The following CCDC170 variants were observed in gnomAD, a reference collection of about 807,000 sequenced individuals.
CCDC170 encodes coiled-coil domain-containing protein 170.
In CCDC170, 69 loss-of-function variants were observed where a neutral mutation model predicts 72.6. The ratio of observed to expected loss-of-function variants is 0.95; its 90% CI spans 0.78 to 1.16. The LOEUF (loss-of-function observed/expected upper bound fraction) is 1.16, where lower values mean the gene tolerates loss of function less well. Among genes scored for constraint, CCDC170 ranks in the 50% most tolerant of loss-of-function variants. The probability of loss-of-function intolerance (pLI) is 0.00; values close to 1 mark genes in which losing one functional copy is unlikely to be tolerated. For missense variants in CCDC170, 852 were observed against 832.5 expected (o/e 1.02, Z -0.29); for synonymous variants, 300 against 303.9 (o/e 0.99, Z 0.13).
intron 1 of CCDC170, among the ~76,000 whole-genome samples, chr6:151,495,181 G>A (rs1781891544): frequency 6.6e-6 from 1 of 152,118 alleles, no homozygotes; most frequent in Non-Finnish European, 1.5e-5. Flanking sequence ...TTTTACATCT[G>A]ACCTGTATTT....
chr6:151,579,446 A>C (rs1019155706), intron 6 of CCDC170, among the ~76,000 whole-genome samples: 5 of 152,234 alleles, frequency 3.3e-5, no homozygotes, highest in African/African-American at 1.2e-4. Flanking sequence ...GATAGAGTGC[A>C]GGAGGGCTCT....
chr6:151,543,833 T>C (rs12213374), intron 3 of CCDC170, among the ~76,000 whole-genome samples: 12,435 of 152,260 alleles, frequency 0.082, 585 homozygotes, highest in Non-Finnish European at 0.11. Context: ...AGTATTCCGA[T>C]GTGTATATAT....
rs534298048 is a variant in CCDC170 at position 151,553,575 on chromosome 6, G to A, written c.774+5086G>A. Among the ~76,000 whole-genome samples the A allele has an allele frequency of 9.5e-4, 145 of 152,160 alleles. 1 individual carries two copies. Among genetic ancestry groups the A allele is most frequent in the African/African-American group, 3.3e-3 (139 of 41,524 alleles). On this transcript the variant is annotated intron_variant, in intron 5 of 10. Transcript: ENST00000239374. ...TCTCTAGAGATCAGTAGTAGGAAAC[G>A]AGTAAGGAAATGTGTTGTAATAGCA... is the stretch of plus-strand genomic sequence containing the variant.
At position 151,538,244 on chromosome 6, in the gene CCDC170, C is replaced by A. The variant is rs1488885325; in HGVS notation, c.386C>A (p.Ala129Glu). Residue 129 changes from alanine to glutamate, a missense_variant, in exon 3 of 11, where the codon GCA (alanine) becomes GAA (glutamate). Ala to Glu is a moderately radical substitution (Grantham distance 107, BLOSUM62 -1). Transcript: ENST00000239374. ...AGAACAGAAATCACAGCTCACGCTG[C>A]AATCAAGGAGAACCAGGAATTAAAG... ...KIRTEITAHA[A>E]IKENQELKKK... The A allele has an allele frequency of 6.2e-7, 1 of 1,613,588 alleles. No individual in the cohort carries two copies. Among genetic ancestry groups the A allele is most frequent in the Non-Finnish European group, 8.5e-7 (1 of 1,179,772 alleles).
chr6:151,553,661 T>C lies in CCDC170; in HGVS notation c.774+5172T>C, dbSNP rs79727331. 9.1e-4 allele frequency among the ~76,000 whole-genome samples: 138 copies of C among 152,192 alleles called. 2 individuals are homozygous for C. The East Asian group carries it at 0.025, about 27-fold the overall frequency. On this transcript the variant is annotated intron_variant, in intron 5 of 10. Transcript: ENST00000239374. ...AAGTGTCTTCACTTGTAATGACTGA[T>C]GCAATGTTGTTCAGACTTTGGAAAC...
chr6:151,562,649 G>A (rs1275451494), intron 5 of CCDC170, among the ~76,000 whole-genome samples: 1 of 152,174 alleles, frequency 6.6e-6, no homozygotes, highest in African/African-American at 2.4e-5. Flanking sequence ...GGGGTGCAGA[G>A]TCCTGGGGCA....
At chr6:151,584,545 A>C (rs1181061078) in intron 6 of CCDC170, among the ~76,000 whole-genome samples, 1 of 152,236 alleles carries the variant, frequency 6.6e-6, no homozygotes, top group Non-Finnish European at 1.5e-5. Flanking sequence ...CACAAAAACA[A>C]ATTATTTAAA....
rs1777047705 is a variant in CCDC170, at chr6:151,620,703, A to C, written c.*2556A>C. The C allele has an allele frequency of 6.6e-6, 1 of 151,926 alleles. No individual in the cohort carries two copies. The highest frequency in any genetic ancestry group is 1.5e-5 in the Non-Finnish European group (1 of 67,994). The allele number at this position is 151,926 out of a possible 1,614,324, so 9.4% of individuals were successfully genotyped here. ...GTTTTTGTACATTCTCTTTGTTTTC[A>C]TTTTCCAAATATAATCTTTAATAAA... On this transcript the variant is annotated 3_prime_UTR_variant, in exon 11 of 11. Transcript: ENST00000239374.
intron 7 of CCDC170, among the ~76,000 whole-genome samples, chr6:151,588,304 A>AAAAC (rs151018608): frequency 1.3e-5 from 2 of 151,690 alleles, no homozygotes; most frequent in Non-Finnish European, 2.9e-5. Context: ...CTGATAAGCT[A>AAAAC]AAACAAACAA....
At chr6:151,531,547 T>G (rs1782490625) in intron 1 of CCDC170, among the ~76,000 whole-genome samples, 1 of 152,224 alleles carries the variant, frequency 6.6e-6, no homozygotes. Flanking sequence ...AAGGCTTAAG[T>G]CTACCATAAT....
intron 5 of CCDC170, among the ~76,000 whole-genome samples, chr6:151,564,431 G>C (rs1278704589): frequency 6.6e-6 from 1 of 152,096 alleles, no homozygotes; most frequent in Non-Finnish European, 1.5e-5. Context: ...TAGGCCGCAG[G>C]GTGGCATTTG....
intron 3 of CCDC170, among the ~76,000 whole-genome samples, chr6:151,538,631 T>C (rs890272693): frequency 3.3e-5 from 5 of 152,210 alleles, no homozygotes; most frequent in Non-Finnish European, 7.3e-5. Flanking sequence ...TACACAGAGG[T>C]AGGTATTTAT....
chr6:151,614,579 C>T lies in CCDC170; in HGVS notation c.1711-864C>T, dbSNP rs531418512. Among the ~76,000 whole-genome samples, 164 of 151,840 alleles carry T rather than the reference C, an allele frequency of 1.1e-3. 1 individual carries two copies. The highest frequency in any genetic ancestry group is 4.6e-3 in the Admixed American group (70 of 15,256). On this transcript the variant is annotated intron_variant, in intron 9 of 10. Transcript: ENST00000239374. ...AAGCAATTCTCCTGCCTCAGCCTCC[C>T]GAGTAGCTGGGATTACAGGTGCCTG...
chr6:151,563,642 G>A (rs1776082321), intron 5 of CCDC170, among the ~76,000 whole-genome samples: 1 of 152,140 alleles, frequency 6.6e-6, no homozygotes, highest in African/African-American at 2.4e-5. Context: ...CTCAGCTCAG[G>A]TGTGAGGGGA....
chr6:151,552,365 A>C (rs897394252), intron 5 of CCDC170, among the ~76,000 whole-genome samples: 1 of 152,036 alleles, frequency 6.6e-6, no homozygotes, highest in Admixed American at 6.6e-5. Context: ...TTATCAGGTT[A>C]TTCCTGTTCC....
intron 3 of CCDC170, among the ~76,000 whole-genome samples, chr6:151,544,223 C>T (rs974084201): frequency 5.3e-5 from 8 of 152,176 alleles, no homozygotes; most frequent in African/African-American, 1.4e-4. Context: ...AATGAAGACC[C>T]ATGGCTATGT....
intron 5 of CCDC170, among the ~76,000 whole-genome samples, chr6:151,570,013 C>T (rs1033607598): frequency 3.9e-5 from 6 of 152,258 alleles, no homozygotes; most frequent in Non-Finnish European, 7.4e-5. Context: ...AAAAAGAAAA[C>T]GTTCTTTGGA....
intron 9 of CCDC170, among the ~76,000 whole-genome samples, chr6:151,606,852 TTCA>T (rs1776794282): frequency 6.6e-6 from 1 of 152,210 alleles, no homozygotes; most frequent in Non-Finnish European, 1.5e-5. Flanking sequence ...AATTGTTCTT[TTCA>T]TCATTATATA....
At chr6:151,593,310 A>G (rs1583042263) in intron 8 of CCDC170, 30 bp downstream of exon 8, 1 of 1,595,822 alleles carries the variant, frequency 6.3e-7, no homozygotes, top group Non-Finnish European at 8.6e-7. Context: ...GCTAGTATTG[A>G]GAGAAGAAAT....
Sources: gnomAD v4.1 joint callset for allele counts (sites outside exome capture counted in the v4.1 genomes callset) on GRCh38, gnomAD v4.1.1 for gene constraint, MANE v1.5 for transcripts, NCBI Gene and HGNC (gene_info 2026-07-23, HGNC 2026-07-21) for gene names.